The following SORL1 variants were observed in gnomAD, a reference collection of about 807,000 sequenced individuals.
SORL1 encodes the protein sortilin related receptor 1.
In SORL1, 127 loss-of-function variants were observed where a neutral mutation model predicts 273.7. That is an observed-to-expected ratio of 0.46 (90% CI 0.40 to 0.54). SORL1 has a LOEUF of 0.54. SORL1 is among the 20% of genes least tolerant of loss of function. The pLI is 0.00. For missense variants in SORL1, 2,494 were observed against 2,846.1 expected, an observed-to-expected ratio of 0.88 and a Z score of 2.81; for synonymous variants, 1,031 against 1,067.4, an observed-to-expected ratio of 0.97 and a Z score of 0.66.
chr11:121,494,438 C>A (rs1404611956), intron 5 of SORL1, among the ~76,000 whole-genome samples: 1 of 152,152 alleles, frequency 6.6e-6, no homozygotes, highest in African/African-American at 2.4e-5. Flanking sequence ...TTGAGATTGG[C>A]AAGACAGAAC....
At chr11:121,455,282 C>T (rs938482147) in intron 1 of SORL1, among the ~76,000 whole-genome samples, 3 of 152,108 alleles carry the variant, frequency 2.0e-5, no homozygotes, top group Non-Finnish European at 4.4e-5. Context: ...TGACATGCAG[C>T]GCATGGGAGA....
Position 121,588,116 on chromosome 11 carries a change from ACGGGTCCGATGAGGATG to A in SORL1, c.3915_3931del (p.Ser1306ValfsTer9). 6.2e-7 allele frequency: 1 copy of A among 1,613,780 alleles called. No individual in the cohort carries two copies. Among genetic ancestry groups the A allele is most frequent in the Non-Finnish European group, 8.5e-7 (1 of 1,179,810 alleles). ...TGTGACGGAATCATCCAGTGCCGCG[ACGGGTCCGATGAGGATG>A]CGGCGTTTGCAGGATGCTGTGAGTT... On this transcript the variant is annotated frameshift_variant, in exon 28 of 48. Transcript: ENST00000260197. LOFTEE classifies it high-confidence loss of function.
intron 12 of SORL1, among the ~76,000 whole-genome samples, chr11:121,541,340 G>A (rs976212096): frequency 7.2e-5 from 11 of 151,980 alleles, no homozygotes; most frequent in African/African-American, 1.5e-4. Flanking sequence ...AAGTAGCTGG[G>A]ACCACAGGGG....
In SORL1 at chr11:121,555,189, C is replaced by A; in HGVS notation, c.2442C>A (p.Arg814=). The A allele has an allele frequency of 4.3e-6, 7 of 1,612,900 alleles. No individual in the cohort carries two copies. Among genetic ancestry groups the A allele is most frequent in the Non-Finnish European group, 5.1e-6 (6 of 1,179,252 alleles). ...TATTATTACTTTTCTCTCTTAAGCG[C>A]CTCTGTTTGAATGGAAGCACAGGGC... ...WSDLALDVIQ[R]LCLNGSTGQE... is the part of the protein sequence containing the mutation. The change falls in exon 18 of 48, where the codon CGC becomes CGA. Residue 814 remains arginine (R), a splice_region_variant and synonymous_variant. Coordinates refer to ENST00000260197, the MANE Select transcript of SORL1 (RefSeq NM_003105.6).
At chr11:121,476,097 TG>T (rs532986972) in intron 2 of SORL1, among the ~76,000 whole-genome samples, 1 of 152,294 alleles carries the variant, frequency 6.6e-6, no homozygotes, top group Non-Finnish European at 1.5e-5. Context: ...AAGATATACG[TG>T]GGGGGTTATC....
At chr11:121,585,931 G>A (rs190779007) in intron 26 of SORL1, among the ~76,000 whole-genome samples, 55 of 152,280 alleles carry the variant, frequency 3.6e-4, no homozygotes, top group African/African-American at 1.3e-3. Context: ...ACTTGTACTT[G>A]TGGGCGGTTT....
intron 8 of SORL1, 62 bp from the exon 9 acceptor site, chr11:121,520,595 G>T (rs1047178844): frequency 2.5e-6 from 3 of 1,196,826 alleles, no homozygotes; most frequent in Non-Finnish European, 3.5e-6. Context: ...CAAATTTTAT[G>T]TTATTTACAA....
chr11:121,590,388 G>A lies in SORL1; in HGVS notation c.4213+214G>A, dbSNP rs539978805. The A allele has an allele frequency of 1.1e-3, 598 of 541,162 alleles. 6 individuals are homozygous for A. The highest frequency in any genetic ancestry group is 5.0e-3 in the South Asian group (208 of 41,212). 33.5% of individuals were successfully genotyped at this position (541,162 alleles called of 1,614,324 possible). ...AGGCTATTTATTCCGTATTTGCAGG[G>A]CAGAGTGAGAAGTCTAGAGCCTTCC... On this transcript the variant is annotated intron_variant, in intron 30 of 47. Coordinates refer to ENST00000260197, the MANE Select transcript of SORL1 (RefSeq NM_003105.6).
At chr11:121,601,723 A>G (rs944321953) in intron 32 of SORL1, among the ~76,000 whole-genome samples, 6 of 152,016 alleles carry the variant, frequency 3.9e-5, no homozygotes, top group African/African-American at 9.7e-5. Flanking sequence ...GCTTACTTCC[A>G]GAGTCTAAAG....
chr11:121,461,916 G>A (rs1192820521), intron 1 of SORL1, among the ~76,000 whole-genome samples: 3 of 152,156 alleles, frequency 2.0e-5, no homozygotes, highest in African/African-American at 7.2e-5. Context: ...TTAGTGCGTC[G>A]AAGTTTATGA....
rs548738360 is a variant in SORL1 at position 121,561,140 on chromosome 11, A to G, written c.3049+1483A>G. Among the ~76,000 whole-genome samples the G allele has an allele frequency of 1.7e-4, 26 of 152,372 alleles. No homozygotes were observed. In the South Asian group the frequency reaches 5.4e-3, roughly 32 times the overall value. On this transcript the variant is annotated intron_variant, in intron 21 of 47. Transcript: ENST00000260197. ...ATTTCTCCATGTTACCACTTAGTCC[A>G]GAAGAGTGGGTCTTCATTTTTACAA...
chr11:121,616,015 G>A (rs1254572167), intron 41 of SORL1, among the ~76,000 whole-genome samples: 1 of 152,204 alleles, frequency 6.6e-6, no homozygotes, highest in Non-Finnish European at 1.5e-5. Context: ...TCTTTTGTGT[G>A]TCCCAGCACC....
intron 12 of SORL1, among the ~76,000 whole-genome samples, chr11:121,540,874 G>A (rs1373108758): frequency 1.3e-5 from 2 of 152,210 alleles, no homozygotes; most frequent in Admixed American, 6.5e-5. Context: ...ACTTGGCAAC[G>A]TACACATAGA....
At chr11:121,558,563 G>T in intron 19 of SORL1, 28 bp from the exon 20 acceptor site, 2 of 1,613,506 alleles carry the variant, frequency 1.2e-6, no homozygotes, top group East Asian at 2.2e-5. Flanking sequence ...TATTGATGAG[G>T]TATGTGTTCT....
chr11:121,543,766 C>T lies in SORL1; in HGVS notation c.1864+40C>T, dbSNP rs189240838. 3.1e-4 allele frequency: 492 copies of T among 1,570,198 alleles called. 4 individuals carry two copies. The East Asian group carries it at 9.0e-3, about 29-fold the overall frequency. On this transcript the variant is annotated intron_variant, in intron 13 of 47. Transcript: ENST00000260197. ...CCTTGGACCTTTTCACATGGATATG[C>T]GTGGACTTCCTGTTATGTGCAAAGC... is the stretch of plus-strand genomic sequence containing the variant.
At chr11:121,608,017 AC>A (rs1863504714) in intron 37 of SORL1, 86 bp from the exon 38 acceptor site, 1 of 1,199,992 alleles carries the variant, frequency 8.3e-7, no homozygotes, top group Admixed American at 2.0e-5. Flanking sequence ...CCAAAATCTC[AC>A]CCCTTTAGCT....
At chr11:121,490,740 C>A (rs1249137977) in intron 5 of SORL1, among the ~76,000 whole-genome samples, 1,429 of 118,562 alleles carry the variant, frequency 0.012, no homozygotes, top group Middle Eastern at 0.018. Flanking sequence ...GACTCTGTCT[C>A]AAAAAAAAAA....
chr11:121,555,248 T>C lies in SORL1; in HGVS notation c.2501T>C (p.Val834Ala). 1 of 1,614,132 alleles carries C rather than the reference T, an allele frequency of 6.2e-7. No homozygotes were observed. The highest frequency in any genetic ancestry group is 1.1e-5 in the South Asian group (1 of 91,076). ...EVIINSGLETVEALAFEPLSQ... is the reference protein window; with the variant it reads ...EVIINSGLETAEALAFEPLSQ... ...ATCATCAATTCTGGCCTGGAGACAG[T>C]AGAAGCTTTGGCTTTTGAACCCCTC... The change falls in exon 18 of 48, where the codon GTA becomes GCA. Residue 834 changes from valine to alanine, a missense_variant. This residue lies in a region of SORL1 where 1,609 missense variants were observed against 1,816.4 expected (regional missense o/e 0.89). Transcript: ENST00000260197.
At chr11:121,501,727 G>T (rs12796201) in intron 6 of SORL1, among the ~76,000 whole-genome samples, 3 of 151,884 alleles carry the variant, frequency 2.0e-5, no homozygotes, top group Admixed American at 2.0e-4. Context: ...AGGAAAACCC[G>T]CCCCCATGAT....
Sources: allele counts gnomAD v4.1 joint callset (sites outside exome capture counted in the v4.1 genomes callset), GRCh38; gene constraint gnomAD v4.1.1; regional missense constraint gnomAD v4.1.1; transcripts MANE v1.5; gene names NCBI Gene and HGNC (gene_info 2026-07-23, HGNC 2026-07-21).